OPN3: variants seen among roughly 807,000 people sequenced by gnomAD.
The protein encoded by OPN3 is opsin-3.
In OPN3, 29 loss-of-function variants were observed where a neutral mutation model predicts 33.8. The ratio of observed to expected loss-of-function variants is 0.86; its 90% CI spans 0.64 to 1.17. The LOEUF is 1.17. OPN3 is among the 50% of genes most tolerant of loss of function. The pLI is 0.00. For missense variants in OPN3, 437 were observed against 514.1 expected (o/e 0.85, Z 1.45); for synonymous variants, 216 against 216.1 (o/e 1.00, Z 0.00).
intron 3 of OPN3, 48 bp downstream of exon 3, chr1:241,597,696 TTC>T (rs1440990494): frequency 6.3e-7 from 1 of 1,584,588 alleles, no homozygotes; most frequent in African/African-American, 1.4e-5. Flanking sequence ...ACACTGTCAT[TTC>T]CAACTCTATG....
At chr1:241,615,840 C>T (rs1256849330) in intron 1 of OPN3, 1 of 456,472 alleles carries the variant, frequency 2.2e-6, no homozygotes, top group African/African-American at 2.0e-5. Context: ...GCCACTGTCA[C>T]CACCATTGCA....
intron 1 of OPN3, among the ~76,000 whole-genome samples, chr1:241,622,713 C>T (rs549180398): frequency 1.1e-4 from 17 of 152,348 alleles, no homozygotes; most frequent in Admixed American, 5.9e-4. Flanking sequence ...CTTTGGCCCA[C>T]GCTCTTGTTG....
chr1:241,640,330 G>C lies in OPN3; in HGVS notation c.-76C>G. On this transcript the variant is annotated 5_prime_UTR_variant, in exon 1 of 4. Coordinates refer to ENST00000366554, the MANE Select transcript of OPN3 (RefSeq NM_014322.3). ...GCTCGCGGCGCGCTCCGCACTGGGT[G>C]GGGTTGGGGCTCCGCCGCCTGCTCT... 5 of 1,084,190 alleles carry C rather than the reference G, an allele frequency of 4.6e-6. No homozygotes were observed. Among genetic ancestry groups the C allele is most frequent in the Non-Finnish European group, 5.6e-6 (5 of 896,874 alleles). 67.2% of individuals were successfully genotyped at this position (1,084,190 alleles called of 1,614,324 possible).
At chr1:241,611,981 T>A (rs1664014673) in intron 1 of OPN3, among the ~76,000 whole-genome samples, 1 of 152,160 alleles carries the variant, frequency 6.6e-6, no homozygotes, top group African/African-American at 2.4e-5. Context: ...GTCCACCATA[T>A]TTAAGGAAGT....
chr1:241,613,375 A>G (rs1453925974), intron 1 of OPN3, among the ~76,000 whole-genome samples: 2 of 152,224 alleles, frequency 1.3e-5, no homozygotes, highest in Admixed American at 6.5e-5. Flanking sequence ...CAAGCTAAAA[A>G]ATAAAAGAGC....
intron 1 of OPN3, among the ~76,000 whole-genome samples, chr1:241,624,116 C>T (rs1340530096): frequency 6.6e-6 from 1 of 150,948 alleles, no homozygotes; most frequent in African/African-American, 2.5e-5. Context: ...TCCTGCCTCC[C>T]CACGCCAGGC....
chr1:241,630,022 G>C (rs991579845), intron 1 of OPN3: 3 of 151,978 alleles, frequency 2.0e-5, no homozygotes, highest in African/African-American at 7.2e-5. Context: ...ATGTTAAATG[G>C]AACTGTAGTA....
At chr1:241,609,852 A>G (rs1663941993) in intron 1 of OPN3, among the ~76,000 whole-genome samples, 1 of 152,208 alleles carries the variant, frequency 6.6e-6, no homozygotes, top group Admixed American at 6.5e-5. Flanking sequence ...AGAGGTGGGA[A>G]GGTCAGTCAC....
intron 1 of OPN3, chr1:241,629,746 G>C (rs1253072873): frequency 4.6e-5 from 7 of 152,012 alleles, no homozygotes; most frequent in Non-Finnish European, 8.8e-5. Flanking sequence ...ATGTAAAGTG[G>C]ATCTAATCTT....
chr1:241,634,369 T>C (rs1174806474), intron 1 of OPN3: 1 of 1,613,978 alleles, frequency 6.2e-7, no homozygotes, highest in East Asian at 2.2e-5. Flanking sequence ...AATCTGTCTT[T>C]AGTATAGACT....
chr1:241,618,307 G>A (rs765842789), intron 1 of OPN3, among the ~76,000 whole-genome samples: 2 of 152,180 alleles, frequency 1.3e-5, no homozygotes, highest in African/African-American at 2.4e-5. Context: ...AACTCCTGAG[G>A]AGATGGTTTA....
chr1:241,600,672 G>A (rs1026812074), intron 2 of OPN3: 1 of 152,172 alleles, frequency 6.6e-6, no homozygotes, highest in African/African-American at 2.4e-5. Context: ...GGAAACGGAG[G>A]CAAATTACTT....
At chr1:241,600,970 G>A (rs943524058) in intron 2 of OPN3, 1 of 152,082 alleles carries the variant, frequency 6.6e-6, no homozygotes, top group East Asian at 1.9e-4. Context: ...ATGGGAAACT[G>A]GTTCTGAGGG....
intron 1 of OPN3, among the ~76,000 whole-genome samples, chr1:241,626,391 G>A (rs2148016691): frequency 6.6e-6 from 1 of 151,538 alleles, no homozygotes; most frequent in South Asian, 2.1e-4. Flanking sequence ...ACAATCTCCT[G>A]ACAAACTATT....
intron 1 of OPN3, among the ~76,000 whole-genome samples, chr1:241,609,464 T>C (rs1663928526): frequency 1.3e-5 from 2 of 152,254 alleles, no homozygotes; most frequent in Admixed American, 1.3e-4. Flanking sequence ...TAAAGTGATG[T>C]CTGTGCCTTC....
At chr1:241,607,687 A>G (rs1446317528) in intron 1 of OPN3, among the ~76,000 whole-genome samples, 1 of 147,904 alleles carries the variant, frequency 6.8e-6, no homozygotes, top group Non-Finnish European at 1.5e-5. Flanking sequence ...AAAGAGAGAA[A>G]GGAGGGAAGG....
At chr1:241,606,353 G>A (rs1663828933) in intron 1 of OPN3, among the ~76,000 whole-genome samples, 1 of 152,110 alleles carries the variant, frequency 6.6e-6, no homozygotes, top group African/African-American at 2.4e-5. Flanking sequence ...AGACCAGCCT[G>A]GCCAACATGG....
At chr1:241,601,435 TG>T (rs1663674280) in intron 2 of OPN3, among the ~76,000 whole-genome samples, 2 of 152,134 alleles carry the variant, frequency 1.3e-5, no homozygotes, top group South Asian at 4.1e-4. Context: ...CTAGGAGCAG[TG>T]GCTCACACCT....
At chr1:241,596,887 C>T (rs1393294631) in intron 3 of OPN3, among the ~76,000 whole-genome samples, 3 of 152,122 alleles carry the variant, frequency 2.0e-5, no homozygotes, top group East Asian at 1.9e-4. Context: ...TGCACTGGTG[C>T]GATAGTGGGT....
Sources: allele counts gnomAD v4.1 joint callset (sites outside exome capture counted in the v4.1 genomes callset), GRCh38; gene constraint gnomAD v4.1.1; transcripts MANE v1.5; gene names NCBI Gene and HGNC (gene_info 2026-07-23, HGNC 2026-07-21).